The following AGMO variants were observed in gnomAD, a reference collection of about 807,000 sequenced individuals.
AGMO encodes glyceryl-ether monooxygenase.
In AGMO, 75 loss-of-function variants were observed where a neutral mutation model predicts 60.2. That is an observed-to-expected ratio of 1.25 (90% confidence interval 1.03 to 1.51). The LOEUF (loss-of-function observed/expected upper bound fraction) is 1.51. Ranked by LOEUF, AGMO falls within the 40% of genes most tolerant of loss-of-function variation. The pLI is 0.00. For missense variants in AGMO, 763 were observed against 525.5 expected (o/e 1.45, Z -4.42); for synonymous variants, 261 against 177.1 (o/e 1.47, Z -3.76).
chr7:15,173,463 C>T, the AGMO span, among the ~76,000 whole-genome samples: 1 of 152,110 alleles, frequency 6.6e-6, no homozygotes, highest in Non-Finnish European at 1.5e-5. Context: ...ATAGTATGAG[C>T]AAGATCTAGC....
At chr7:15,405,121 C>T (rs1784653472) in intron 5 of AGMO, among the ~76,000 whole-genome samples, 1 of 151,794 alleles carries the variant, frequency 6.6e-6, no homozygotes, top group African/African-American at 2.4e-5. Flanking sequence ...TTTCCCTTGT[C>T]CTCTTAGGGA....
At chr7:15,423,000 C>T (rs1780965931) in intron 4 of AGMO, among the ~76,000 whole-genome samples, 1 of 152,130 alleles carries the variant, frequency 6.6e-6, no homozygotes, top group African/African-American at 2.4e-5. Flanking sequence ...TAAAGTACTC[C>T]ACGAGTAAGC....
rs142859698 is a variant in AGMO at position 15,380,774 on chromosome 7, T to A, written c.1074+4672A>T. Among the ~76,000 whole-genome samples, 5 of 152,180 alleles carry A rather than the reference T, an allele frequency of 3.3e-5. No individual in the cohort carries two copies. The East Asian group carries it at 9.7e-4, about 29-fold the overall frequency. The stretch of plus-strand genomic sequence containing the variant: ...GCTGGGGACATAACATTATCCAACT[T>A]TGAACTACACTACAGGTCTACAGTA... On this transcript the variant is annotated intron_variant, in intron 10 of 12. Transcript: ENST00000342526.
intron 12 of AGMO, among the ~76,000 whole-genome samples, chr7:15,274,331 C>A (rs1000655866): frequency 6.6e-6 from 1 of 152,066 alleles, no homozygotes; most frequent in Non-Finnish European, 1.5e-5. Context: ...GCATGAAGGG[C>A]TGTTGAATGT....
At chr7:15,524,200 C>G (rs987792129) in intron 3 of AGMO, among the ~76,000 whole-genome samples, 4 of 151,548 alleles carry the variant, frequency 2.6e-5, no homozygotes, top group African/African-American at 9.7e-5. Flanking sequence ...TTTGAGATAT[C>G]AACATAAGAT....
At chr7:15,227,981 T>C (rs1782140781) in intron 12 of AGMO, among the ~76,000 whole-genome samples, 1 of 152,156 alleles carries the variant, frequency 6.6e-6, no homozygotes, top group Non-Finnish European at 1.5e-5. Flanking sequence ...GTAAGAATAC[T>C]GACTGCCCAT....
downstream of AGMO, among the ~76,000 whole-genome samples, chr7:15,199,234 T>C (rs560449062): frequency 3.1e-4 from 47 of 152,274 alleles, no homozygotes; most frequent in Admixed American, 5.9e-4. Context: ...CCCACTTTCA[T>C]TGGCACAAAT....
chr7:15,399,928 T>G (rs1415688535), intron 5 of AGMO, among the ~76,000 whole-genome samples: 1 of 152,212 alleles, frequency 6.6e-6, no homozygotes, highest in East Asian at 1.9e-4. Context: ...CTATCTTACC[T>G]TTTGGAATCC....
At chr7:15,137,729 A>G in the AGMO span, among the ~76,000 whole-genome samples, 1 of 152,298 alleles carries the variant, frequency 6.6e-6, no homozygotes, top group Non-Finnish European at 1.5e-5. Context: ...GAGGTCCTTG[A>G]GTTCAAGCCC....
intron 3 of AGMO, among the ~76,000 whole-genome samples, chr7:15,483,458 C>T (rs1380959321): frequency 2.0e-5 from 3 of 152,028 alleles, no homozygotes; most frequent in Non-Finnish European, 4.4e-5. Context: ...CCCAGCTACT[C>T]CAGAGGCTGA....
chr7:15,552,340 A>G (rs1403856030), intron 2 of AGMO, among the ~76,000 whole-genome samples: 3 of 152,216 alleles, frequency 2.0e-5, no homozygotes, highest in Non-Finnish European at 4.4e-5. Context: ...TAAACTAAAG[A>G]GCTTCTGCAC....
chr7:15,162,345 T>C, the AGMO span, among the ~76,000 whole-genome samples: 1 of 152,178 alleles, frequency 6.6e-6, no homozygotes, highest in East Asian at 1.9e-4. Context: ...GGTTTCTGTA[T>C]GATCTAATCT....
At chr7:15,303,672 G>A (rs1209951195) in intron 12 of AGMO, among the ~76,000 whole-genome samples, 2 of 152,088 alleles carry the variant, frequency 1.3e-5, no homozygotes, top group African/African-American at 4.8e-5. Flanking sequence ...TGAGGAATAT[G>A]AAGGTGCTAA....
chr7:15,184,299 C>A, the AGMO span, among the ~76,000 whole-genome samples: 5 of 68,272 alleles, frequency 7.3e-5, no homozygotes, highest in East Asian at 4.6e-4. Context: ...GGAAGGGAGG[C>A]AGGCAGGGAG....
intron 12 of AGMO, among the ~76,000 whole-genome samples, chr7:15,244,602 TAATC>T (rs1398740060): frequency 6.6e-6 from 1 of 152,074 alleles, no homozygotes; most frequent in East Asian, 1.9e-4. Flanking sequence ...TTTTCTGACT[TAATC>T]AAAGACAATA....
intron 3 of AGMO, among the ~76,000 whole-genome samples, chr7:15,535,647 T>A (rs1163600052): frequency 6.6e-6 from 1 of 151,798 alleles, no homozygotes; most frequent in African/African-American, 2.4e-5. Flanking sequence ...TTTAAAAAAA[T>A]ATCTTAATTT....
chr7:15,334,201 A>T lies in AGMO; in HGVS notation c.1263+31313T>A, dbSNP rs143965643. On this transcript the variant is annotated intron_variant, in intron 12 of 12. Coordinates refer to ENST00000342526, the MANE Select transcript of AGMO (RefSeq NM_001004320.2). ...ATAAGGATTCACAAAGCAAATTTGAAATGCTAAACATCATATTGAAATGAC... is the reference window on the plus strand; with the variant it reads ...ATAAGGATTCACAAAGCAAATTTGATATGCTAAACATCATATTGAAATGAC... Among the ~76,000 whole-genome samples the T allele has an allele frequency of 5.5e-3, 831 of 152,248 alleles. 14 individuals carry two copies. The highest frequency in any genetic ancestry group is 0.011 in the South Asian group (55 of 4,826).
intron 3 of AGMO, among the ~76,000 whole-genome samples, chr7:15,478,915 C>T (rs1423673878): frequency 2.0e-5 from 3 of 152,068 alleles, no homozygotes; most frequent in East Asian, 1.9e-4. Flanking sequence ...GAGCCCTAAT[C>T]GGTCATGCTG....
the AGMO span, among the ~76,000 whole-genome samples, chr7:15,187,017 T>C: frequency 6.6e-6 from 1 of 152,242 alleles, no homozygotes; most frequent in African/African-American, 2.4e-5. Flanking sequence ...CCTATTCATC[T>C]TTCCCACGCT....
Sources: gnomAD v4.1 joint callset for allele counts (sites outside exome capture counted in the v4.1 genomes callset) on GRCh38, gnomAD v4.1.1 for gene constraint, MANE v1.5 for transcripts, NCBI Gene and HGNC (gene_info 2026-07-23, HGNC 2026-07-21) for gene names.